Variants in PAN2 observed in about 807,000 individuals in gnomAD.
PAN2 encodes poly(A) specific ribonuclease subunit PAN2.
A neutral mutation model predicts 133.3 loss-of-function variants in PAN2; 68 were observed. The observed-to-expected ratio is 0.51, with a 90% confidence interval of 0.42 to 0.62. The LOEUF (loss-of-function observed/expected upper bound fraction) is 0.62, where lower values mean the gene tolerates loss of function less well. Among genes scored for constraint, PAN2 ranks in the 20% least tolerant of loss-of-function variants. The pLI, the probability that PAN2 is intolerant of heterozygous loss-of-function variation, is 0.00. For synonymous variants in PAN2, 462 were observed against 544.6 expected, an observed-to-expected ratio of 0.85 and a Z score of 2.11; for missense variants, 1,042 against 1,500.5, an observed-to-expected ratio of 0.69 and a Z score of 5.05.
intron 2 of PAN2, among the ~76,000 whole-genome samples, chr12:56,330,549 C>T (rs192026667): frequency 0.045 from 6,850 of 150,760 alleles, 223 homozygotes; most frequent in Non-Finnish European, 0.068. Flanking sequence ...TTAGTAGAGA[C>T]GGGGTTTCAC....
chr12:56,320,089 T>A (rs767684385), intron 20 of PAN2, 68 bp from the exon 21 acceptor site: 14 of 1,478,536 alleles, frequency 9.5e-6, no homozygotes, highest in Non-Finnish European at 1.3e-5. Context: ...AAGCCCAGTG[T>A]GGCTGATCAT....
intron 7 of PAN2, 92 bp downstream of exon 7, chr12:56,326,525 G>C: frequency 6.6e-7 from 1 of 1,507,620 alleles, no homozygotes. Flanking sequence ...AATCAGGAAA[G>C]TAGTAGAATA....
At position 56,319,070 on chromosome 12, in the gene PAN2, C is replaced by T. The variant is rs754940108; in HGVS notation, c.3364+18G>A. 2 of 1,612,696 alleles carry T rather than the reference C, an allele frequency of 1.2e-6. No homozygotes were observed. The highest frequency in any genetic ancestry group is 2.7e-5 in the African/African-American group (2 of 74,806). On this transcript the variant is annotated intron_variant, in intron 24 of 25. Coordinates refer to ENST00000440411, the MANE Select transcript of PAN2 (RefSeq NM_014871.6). This position sits in a 1 kb window ranked among gnomAD's most constrained non-coding sequence, Gnocchi z 5.4. ...CTGCTATTAATGTAGCAGGGGCCTA[C>T]AAGGCAGAGCAACTCACCCAGAAAG... is the stretch of plus-strand genomic sequence containing the variant.
rs1350990350 is a variant in PAN2, at chr12:56,332,786, A to G, written c.282+27T>C. ...AGATAAAGACCTTCAACATCTTTCA[A>G]CCCTCACAAAGGGGTACAGTTCTTA... is the stretch of plus-strand genomic sequence containing the variant. On this transcript the variant is annotated intron_variant, in intron 2 of 25. Coordinates refer to ENST00000440411, the MANE Select transcript of PAN2 (RefSeq NM_014871.6). 6 of 1,605,856 alleles carry G rather than the reference A, an allele frequency of 3.7e-6. No homozygotes were observed. The Admixed American group carries it at 8.4e-5, about 22-fold the overall frequency.
At chr12:56,322,392 GAAAGA>G in intron 19 of PAN2, 26 bp downstream of exon 19, 9 of 1,565,050 alleles carry the variant, frequency 5.8e-6, no homozygotes, top group Non-Finnish European at 7.9e-6. Flanking sequence ...AAGGGGAAAT[GAAAGA>G]AGAAACAGAA....
Position 56,323,506 on chromosome 12 carries a change from C to A in PAN2, c.2265G>T (p.Gln755His). The change falls in exon 15 of 26, where the codon CAG becomes CAT. Residue 755 changes from glutamine (Q) to histidine (H), a missense_variant. Physicochemically the swap from Gln to His is conservative, Grantham distance 24. Transcript: ENST00000440411. ...TTCTAGTCTGAGTCCTTACCTCAGCCTGCATTCTCCAGAAATCAGCCTCTT... is the reference window on the plus strand; with the variant it reads ...TTCTAGTCTGAGTCCTTACCTCAGCATGCATTCTCCAGAAATCAGCCTCTT... ...SSKEADFWRMQAEVAFKMAVK... is the reference protein window; with the variant it reads ...SSKEADFWRMHAEVAFKMAVK... The A allele has an allele frequency of 6.2e-7, 1 of 1,614,014 alleles. No homozygotes were observed. The highest frequency in any genetic ancestry group is 8.5e-7 in the Non-Finnish European group (1 of 1,179,874).
chr12:56,330,353 C>CTTTT lies in PAN2; in HGVS notation c.283-1716_283-1713dup, dbSNP rs10525866. On this transcript the variant is annotated intron_variant, in intron 2 of 25. Coordinates refer to ENST00000440411, the MANE Select transcript of PAN2 (RefSeq NM_014871.6). ...AACCCCCTTACTCAACTGTATTTTT[C>CTTTT]TTTTTTTTTTTTTTTTTTTTTTTTG... is the stretch of plus-strand genomic sequence containing the variant. 5.2e-3 allele frequency among the ~76,000 whole-genome samples: 479 copies of CTTTT among 92,626 alleles called. 13 individuals carry two copies. Among genetic ancestry groups the CTTTT allele is most frequent in the Non-Finnish European group, 6.3e-3 (321 of 51,354 alleles). 60.8% of individuals were successfully genotyped at this position (92,626 alleles called of 152,430 possible). A position where few individuals can be genotyped will look rare whatever the true frequency, so the allele number is the denominator to read the frequency against.
chr12:56,324,848 C>T, intron 10 of PAN2, 139 bp from the exon 11 acceptor site: 1 of 1,351,618 alleles, frequency 7.4e-7, no homozygotes, highest in Non-Finnish European at 1.0e-6. Context: ...ACCGGTGGAG[C>T]TCAGAGGAGA....
Position 56,326,272 on chromosome 12 carries a change from A to T in PAN2, c.1359+41T>A, listed in dbSNP as rs564802713. 7 of 1,511,090 alleles carry T rather than the reference A, an allele frequency of 4.6e-6. No individual in the cohort carries two copies. The South Asian group carries it at 7.4e-5, about 16-fold the overall frequency. 93.6% of individuals were successfully genotyped at this position (1,511,090 alleles called of 1,614,324 possible). On this transcript the variant is annotated intron_variant, in intron 8 of 25. Coordinates refer to ENST00000440411, the MANE Select transcript of PAN2 (RefSeq NM_014871.6). ...AAAGGAAAAAGATAGGAGAAACTTC[A>T]GTGGGCCGGGGTCGGGGCTGACCCT... is the stretch of plus-strand genomic sequence containing the variant.
intron 2 of PAN2, among the ~76,000 whole-genome samples, chr12:56,330,791 A>G (rs745842235): frequency 1.0e-4 from 15 of 150,602 alleles, no homozygotes; most frequent in East Asian, 2.0e-4. Flanking sequence ...GCCTGGCCTC[A>G]TTGTATTTTT....
intron 20 of PAN2, 116 bp from the exon 21 acceptor site, chr12:56,320,137 AGCACGTG>A: frequency 1.1e-6 from 1 of 894,654 alleles, no homozygotes; most frequent in Admixed American, 2.3e-5. Context: ...CAATAATCAA[AGCACGTG>A]AGAAAAAAGA....
rs759015721 is a variant in PAN2, at chr12:56,323,769, AGGAC to A, written c.2172+34_2172+37del. 1.3e-5 allele frequency: 20 copies of A among 1,508,462 alleles called. No homozygotes were observed. In the African/African-American group the frequency reaches 2.6e-4, roughly 20 times the overall value. 93.4% of individuals were successfully genotyped at this position (1,508,462 alleles called of 1,614,324 possible). A position where few individuals can be genotyped will look rare whatever the true frequency, so the allele number is the denominator to read the frequency against. ...GGGATAGTGGCTGAATCTCCATGGC[AGGAC>A]CAGGACTCTAGTCCAGTCCAACAGT... On this transcript the variant is annotated intron_variant, in intron 14 of 25. Transcript: ENST00000440411.
rs546415582 is a variant in PAN2, at chr12:56,326,511, C to T, written c.1263-102G>A. On this transcript the variant is annotated intron_variant, in intron 7 of 25. Transcript: ENST00000440411. ...AGAAAAAGAAAATACTGAAGGTAGACAAAAATCAGGAAAGTAGTAGAATAA... is the reference window on the plus strand; with the variant it reads ...AGAAAAAGAAAATACTGAAGGTAGATAAAAATCAGGAAAGTAGTAGAATAA... 113 of 1,505,636 alleles carry T rather than the reference C, an allele frequency of 7.5e-5. No homozygotes were observed. In the South Asian group the frequency reaches 1.2e-3, roughly 17 times the overall value. The allele number at this position is 1,505,636 out of a possible 1,614,324, so 93.3% of individuals were successfully genotyped here. A position where few individuals can be genotyped will look rare whatever the true frequency, so the allele number is the denominator to read the frequency against.
In PAN2 at chr12:56,321,392, C is replaced by G. The variant is rs1030461589; in HGVS notation, c.2788+686G>C. On this transcript the variant is annotated intron_variant, in intron 20 of 25. Transcript: ENST00000440411. ...AACAGGAGCACATCACCATACCCAGCTACTTTTTGTATTTTTTGTAGAGAC... is the reference window on the plus strand; with the variant it reads ...AACAGGAGCACATCACCATACCCAGGTACTTTTTGTATTTTTTGTAGAGAC... Among the ~76,000 whole-genome samples the G allele has an allele frequency of 1.3e-5, 2 of 150,736 alleles. 1 individual carries two copies. The highest frequency in any genetic ancestry group is 1.3e-4 in the Admixed American group (2 of 15,154).
In PAN2 at chr12:56,323,609, G is replaced by A. The variant is rs1874797374; in HGVS notation, c.2173-11C>T. 4 of 1,611,242 alleles carry A rather than the reference G, an allele frequency of 2.5e-6. No individual in the cohort carries two copies. The highest frequency in any genetic ancestry group is 3.4e-6 in the Non-Finnish European group (4 of 1,177,428). On this transcript the variant is annotated splice_polypyrimidine_tract_variant and intron_variant, in intron 14 of 25. Transcript: ENST00000440411. The stretch of plus-strand genomic sequence containing the variant: ...GTTGCGGGTCTGAATCTGAGAGGAA[G>A]AAACAAACAAGGAATGGCAGGGAAT...
rs1298434822 is a variant in PAN2, at chr12:56,323,537, C to G, written c.2234G>C (p.Ser745Thr). 1 of 1,614,184 alleles carries G rather than the reference C, an allele frequency of 6.2e-7. No homozygotes were observed. The highest frequency in any genetic ancestry group is 8.5e-7 in the Non-Finnish European group (1 of 1,180,008). Residue 745 changes from serine to threonine, a missense_variant, in exon 15 of 26, where the codon AGC becomes ACC. Transcript: ENST00000440411. ...DILVINCEVNSSKEADFWRMQ... is the reference protein window; with the variant it reads ...DILVINCEVNTSKEADFWRMQ... The stretch of plus-strand genomic sequence containing the variant: ...TCTCCAGAAATCAGCCTCTTTTGAG[C>G]TGTTCACCTCACAATTGATGACAAG...
At chr12:56,327,057 G>T in intron 6 of PAN2, 98 bp from the exon 7 acceptor site, 1 of 1,050,066 alleles carries the variant, frequency 9.5e-7, no homozygotes. Context: ...AGGACAAGAT[G>T]GGCCCCAAAT....
At position 56,328,639 on chromosome 12, in the gene PAN2, G is replaced by A. The variant is rs1333307647; in HGVS notation, c.285C>T (p.Gly95=). 11 of 1,613,674 alleles carry A rather than the reference G, an allele frequency of 6.8e-6. No homozygotes were observed. The African/African-American group carries it at 1.1e-4, about 16-fold the overall frequency. The change falls in exon 3 of 26, where the codon GGC becomes GGT. Residue 95 remains glycine, a splice_region_variant and synonymous_variant. Coordinates refer to ENST00000440411, the MANE Select transcript of PAN2 (RefSeq NM_014871.6). ...EEMLWVGSHG[G]HATSFFGPAL... Reference sequence around the variant, plus strand: ...CTGGGCCAAAAAATGAAGTGGCATGGCCCTATAGAGGACAAAGACAACAGA... The same window carrying A: ...CTGGGCCAAAAAATGAAGTGGCATGACCCTATAGAGGACAAAGACAACAGA...
Position 56,325,118 on chromosome 12 carries a change from T to G in PAN2, c.1490A>C (p.Lys497Thr). ...VSKKYRKVTI[K>T]YSKLGLEDFD... ...GTCCTCCAGCCCTAGCTTGGAATAT[T>G]TGATGGTCACCTAAGGTAGAAATTG... Residue 497 changes from lysine (K) to threonine (T), a missense_variant, in exon 10 of 26, where the codon AAA (lysine) becomes ACA (threonine). Around this residue, in one of 3 missense-constraint regions of PAN2, gnomAD observed 908 missense variants for 1,223.5 expected, o/e 0.74. Coordinates refer to ENST00000440411, the MANE Select transcript of PAN2 (RefSeq NM_014871.6). 6.2e-7 allele frequency: 1 copy of G among 1,613,978 alleles called. No individual in the cohort carries two copies. The highest frequency in any genetic ancestry group is 8.5e-7 in the Non-Finnish European group (1 of 1,179,918).
Sources: gnomAD v4.1 joint callset for allele counts (sites outside exome capture counted in the v4.1 genomes callset) on GRCh38, gnomAD v4.1.1 for gene constraint, gnomAD v4.1.1 regional missense constraint, Gnocchi (gnomAD v3.1) non-coding constraint, MANE v1.5 for transcripts, NCBI Gene and HGNC (gene_info 2026-07-23, HGNC 2026-07-21) for gene names.